Variants in KCNH5 observed in about 807,000 individuals in gnomAD.
KCNH5 encodes potassium voltage-gated channel subfamily H member 5, also known as voltage-gated delayed rectifier potassium channel KCNH5.
A neutral mutation model predicts 96.1 loss-of-function variants in KCNH5; 46 were observed. That is an observed-to-expected ratio of 0.48 (90% CI 0.38 to 0.61). KCNH5 has a LOEUF of 0.61. Among genes scored for constraint, KCNH5 ranks in the 20% least tolerant of loss-of-function variants. KCNH5 has a pLI of 0.00. For missense variants in KCNH5, 907 were observed against 1,225.8 expected (o/e 0.74, Z 3.88); for synonymous variants, 439 against 449.8 (o/e 0.98, Z 0.30).
chr14:62,947,002 T>A (rs1398988772), intron 7 of KCNH5, among the ~76,000 whole-genome samples: 4 of 152,076 alleles, frequency 2.6e-5, no homozygotes, highest in Non-Finnish European at 5.9e-5. Context: ...CAGTTGTAAT[T>A]AAAGAAACCT....
chr14:62,814,844 G>A (rs892524019), intron 8 of KCNH5, among the ~76,000 whole-genome samples: 2 of 148,738 alleles, frequency 1.3e-5, no homozygotes, highest in African/African-American at 5.0e-5. Flanking sequence ...TGGGAGTGAG[G>A]TGCTTTGGAA....
intron 8 of KCNH5, among the ~76,000 whole-genome samples, 155 bp from the exon 9 acceptor site, chr14:62,802,736 G>A (rs949095644): frequency 3.9e-5 from 6 of 152,186 alleles, no homozygotes; most frequent in African/African-American, 1.4e-4. Context: ...ACAAGACACA[G>A]CTCCGCTCTC....
At chr14:62,974,487 T>A (rs1428832466) in intron 6 of KCNH5, among the ~76,000 whole-genome samples, 6 of 152,162 alleles carry the variant, frequency 3.9e-5, no homozygotes, top group Non-Finnish European at 8.8e-5. Flanking sequence ...TTTAGAAAAT[T>A]TATGTTCCTT....
intron 2 of KCNH5, among the ~76,000 whole-genome samples, chr14:63,009,669 G>A (rs1046876214): frequency 4.6e-5 from 7 of 152,128 alleles, no homozygotes; most frequent in African/African-American, 1.4e-4. Flanking sequence ...TGTTCTGGAG[G>A]TTAATTCAAT....
intron 2 of KCNH5, among the ~76,000 whole-genome samples, chr14:63,006,739 T>C (rs910378848): frequency 6.6e-6 from 1 of 152,198 alleles, no homozygotes; most frequent in African/African-American, 2.4e-5. Context: ...CTGTGAGTAA[T>C]TGCACAAAGT....
intron 2 of KCNH5, among the ~76,000 whole-genome samples, chr14:63,007,238 C>CA (rs911761009): frequency 2.0e-5 from 3 of 151,780 alleles, no homozygotes; most frequent in Non-Finnish European, 2.9e-5. Flanking sequence ...AAAAACAAAC[C>CA]AAAAAAACCC....
At chr14:62,902,762 C>T (rs1042786276) in intron 7 of KCNH5, among the ~76,000 whole-genome samples, 41 of 150,492 alleles carry the variant, frequency 2.7e-4, no homozygotes, top group African/African-American at 7.6e-4. Context: ...CTCTGTCATG[C>T]GGGCTGGAGT....
At chr14:62,748,298 A>T (rs1009808448) in intron 10 of KCNH5, among the ~76,000 whole-genome samples, 1 of 152,182 alleles carries the variant, frequency 6.6e-6, no homozygotes, top group Non-Finnish European at 1.5e-5. Flanking sequence ...AATTTTCCTA[A>T]TTACTATATT....
rs1057417977 is a variant in KCNH5, at chr14:63,016,856, C to A, written c.172G>T (p.Val58Phe). ...CKLSGYHRAD[V>F]MQKSSTCSFM... ...CTGCAAGTGCTGCTTTTCTGCATGACGTCAGCTCGATGATATCCAGAGAGT... is the reference window on the plus strand; with the variant it reads ...CTGCAAGTGCTGCTTTTCTGCATGAAGTCAGCTCGATGATATCCAGAGAGT... The change falls in exon 2 of 11, where the codon GTC becomes TTC. Residue 58 changes from valine to phenylalanine, a missense_variant. By Grantham distance (50) the Val-to-Phe change is conservative. Transcript: ENST00000322893. 7 of 1,611,182 alleles carry A rather than the reference C, an allele frequency of 4.3e-6. No homozygotes were observed. The highest frequency in any genetic ancestry group is 5.9e-6 in the Non-Finnish European group (7 of 1,178,302).
chr14:62,855,869 A>T (rs1239818399), intron 7 of KCNH5, among the ~76,000 whole-genome samples: 1 of 152,062 alleles, frequency 6.6e-6, no homozygotes, highest in African/African-American at 2.4e-5. Context: ...TTTAGTAGAT[A>T]TTTATTTGAC....
intron 10 of KCNH5, among the ~76,000 whole-genome samples, chr14:62,752,380 G>C (rs1885520707): frequency 6.6e-6 from 1 of 152,004 alleles, no homozygotes; most frequent in Admixed American, 6.6e-5. Flanking sequence ...GAACGCAGTG[G>C]GGAAGAGCAT....
chr14:62,703,234 C>T lies in KCNH5; in HGVS notation c.*4274G>A, dbSNP rs1243652804. ...CTTACCTGCCACTAGCAAACTATGC[C>T]TCTCTCCATTAACCTCTGACCAGAT... is the stretch of plus-strand genomic sequence containing the variant. On this transcript the variant is annotated 3_prime_UTR_variant, in exon 11 of 11. Coordinates refer to ENST00000322893, the MANE Select transcript of KCNH5 (RefSeq NM_139318.5). The T allele has an allele frequency of 6.6e-6, 1 of 151,838 alleles. No homozygotes were observed. Among genetic ancestry groups the T allele is most frequent in the African/African-American group, 2.4e-5 (1 of 41,408 alleles). The allele number at this position is 151,838 out of a possible 1,614,324, so 9.4% of individuals were successfully genotyped here.
At chr14:62,816,408 G>A (rs965319571) in intron 8 of KCNH5, among the ~76,000 whole-genome samples, 1 of 151,852 alleles carries the variant, frequency 6.6e-6, no homozygotes, top group African/African-American at 2.4e-5. Flanking sequence ...AAGAGTACAA[G>A]CTCTTCCTTT....
rs1393312246 is a variant in KCNH5 at position 62,701,910 on chromosome 14, T to C, written c.*5598A>G. The C allele has an allele frequency of 1.3e-5, 2 of 152,102 alleles. No homozygotes were observed. The highest frequency in any genetic ancestry group is 2.9e-5 in the Non-Finnish European group (2 of 67,974). The allele number at this position is 152,102 out of a possible 1,614,324, so 9.4% of individuals were successfully genotyped here. A position where few individuals can be genotyped will look rare whatever the true frequency, so the allele number is the denominator to read the frequency against. The stretch of plus-strand genomic sequence containing the variant: ...TTCATTTGGATAATGTATTTAATAG[T>C]GGTTTGGCCAAGAAGCCAACATCAG... On this transcript the variant is annotated 3_prime_UTR_variant, in exon 11 of 11. Coordinates refer to ENST00000322893, the MANE Select transcript of KCNH5 (RefSeq NM_139318.5).
At chr14:63,002,642 A>G (rs559794795) in intron 3 of KCNH5, among the ~76,000 whole-genome samples, 1 of 152,332 alleles carries the variant, frequency 6.6e-6, no homozygotes, top group African/African-American at 2.4e-5. Context: ...CTAAAAAAAT[A>G]AAAAATAAAA....
At chr14:62,779,585 A>G in intron 10 of KCNH5, 143 bp downstream of exon 10, 1 of 601,202 alleles carries the variant, frequency 1.7e-6, no homozygotes, top group East Asian at 3.0e-5. Context: ...AAATATAAAT[A>G]AAGAGAAGGA....
chr14:62,964,202 G>A (rs1484566740), intron 6 of KCNH5, among the ~76,000 whole-genome samples: 1 of 151,994 alleles, frequency 6.6e-6, no homozygotes, highest in Non-Finnish European at 1.5e-5. Flanking sequence ...AGCAATCTTG[G>A]TCTAGGGCCA....
chr14:63,035,841 G>A (rs1030393900), intron 1 of KCNH5, among the ~76,000 whole-genome samples: 2 of 152,174 alleles, frequency 1.3e-5, no homozygotes, highest in African/African-American at 2.4e-5. Flanking sequence ...TCCTTACTGA[G>A]ATGATCCACT....
intron 6 of KCNH5, 151 bp from the exon 7 acceptor site, chr14:62,950,710 A>G (rs1415276236): frequency 3.6e-6 from 2 of 556,140 alleles, no homozygotes; most frequent in Non-Finnish European, 5.6e-6. Context: ...AAGAAAACAA[A>G]AAAGTCAAAA....
Sources: allele counts gnomAD v4.1 joint callset (sites outside exome capture counted in the v4.1 genomes callset), GRCh38; gene constraint gnomAD v4.1.1; transcripts MANE v1.5; gene names NCBI Gene and HGNC (gene_info 2026-07-23, HGNC 2026-07-21).